Variants in USP37 observed in about 807,000 individuals in gnomAD.
USP37 encodes the protein ubiquitin specific peptidase 37, also known as ubiquitin carboxyl-terminal hydrolase 37.
Under a neutral mutation model 124.0 loss-of-function variants are expected in USP37, and 27 were observed. The observed-to-expected ratio is 0.22, with a 90% CI of 0.16 to 0.30. USP37 has a LOEUF of 0.30. USP37 is among the 10% of genes least tolerant of loss of function. USP37 has a pLI of 1.00. For missense variants in USP37, 889 were observed against 1,140.4 expected (o/e 0.78, Z 3.17); for synonymous variants, 365 against 388.0 (o/e 0.94, Z 0.70).
chr2:218,450,371 A>T lies in USP37; in HGVS notation c.*4559T>A, dbSNP rs14998. On this transcript the variant is annotated 3_prime_UTR_variant, in exon 26 of 26. Coordinates refer to ENST00000258399, the MANE Select transcript of USP37 (RefSeq NM_020935.3). ...GAGGAACAGTTCTGCTAAAACACAG[A>T]TAAAAGTGCCGCTCCATACAAAACA... The T allele has an allele frequency of 1.3e-5, 2 of 152,676 alleles. No individual in the cohort carries two copies. The highest frequency in any genetic ancestry group is 2.4e-5 in the African/African-American group (1 of 41,474). The allele number at this position is 152,676 out of a possible 1,614,324, so 9.5% of individuals were successfully genotyped here.
At chr2:218,509,681 G>C (rs918391561) in intron 11 of USP37, among the ~76,000 whole-genome samples, 32 of 151,812 alleles carry the variant, frequency 2.1e-4, no homozygotes, top group Non-Finnish European at 4.4e-4. Flanking sequence ...AAGAACCTAG[G>C]GAAAATATAT....
intron 10 of USP37, among the ~76,000 whole-genome samples, chr2:218,524,073 G>A (rs986765783): frequency 1.3e-5 from 2 of 152,092 alleles, no homozygotes; most frequent in Admixed American, 6.6e-5. Flanking sequence ...TCCCAAAAGA[G>A]TTTTCTAATG....
intron 5 of USP37, 113 bp downstream of exon 5, chr2:218,553,440 C>T: frequency 1.1e-6 from 1 of 926,164 alleles, no homozygotes; most frequent in Non-Finnish European, 1.5e-6. Context: ...CTTATTTGCT[C>T]ATGGTGTATA....
At chr2:218,485,496 ACT>A (rs1691503596) in intron 16 of USP37, among the ~76,000 whole-genome samples, 166 bp downstream of exon 16, 1 of 151,588 alleles carries the variant, frequency 6.6e-6, no homozygotes, top group South Asian at 2.1e-4. Flanking sequence ...GCCCTCTTAC[ACT>A]CTGCACATTT....
intron 23 of USP37, among the ~76,000 whole-genome samples, chr2:218,459,131 A>T (rs1689866557): frequency 6.6e-6 from 1 of 151,810 alleles, no homozygotes; most frequent in Non-Finnish European, 1.5e-5. Flanking sequence ...CCAATTCAAT[A>T]GTTTTCAGTG....
Position 218,494,966 on chromosome 2 carries a change from G to T in USP37, c.1472+794C>A, listed in dbSNP as rs61014917. On this transcript the variant is annotated intron_variant, in intron 14 of 25. Coordinates refer to ENST00000258399, the MANE Select transcript of USP37 (RefSeq NM_020935.3). The stretch of plus-strand genomic sequence containing the variant: ...ACCAAAAAAGCAAGTAATAAGTTGT[G>T]TTTTTTTTTCAGTGACAAAGAAAAA... Among the ~76,000 whole-genome samples the T allele has an allele frequency of 2.9e-3, 436 of 148,950 alleles. 3 individuals are homozygous for T. The highest frequency in any genetic ancestry group is 0.01 in the African/African-American group (417 of 40,506).
At chr2:218,464,593 A>C (rs1214917416) in intron 21 of USP37, among the ~76,000 whole-genome samples, 1 of 152,162 alleles carries the variant, frequency 6.6e-6, no homozygotes, top group Non-Finnish European at 1.5e-5. Flanking sequence ...AACAAGTACT[A>C]AACCTACCCA....
At chr2:218,483,943 G>A (rs1691398118) in intron 16 of USP37, among the ~76,000 whole-genome samples, 3 of 152,172 alleles carry the variant, frequency 2.0e-5, no homozygotes. Flanking sequence ...CACATCACCT[G>A]AGGTCAGGAG....
chr2:218,525,917 C>A (rs1309967696), intron 10 of USP37, among the ~76,000 whole-genome samples: 1 of 152,174 alleles, frequency 6.6e-6, no homozygotes, highest in Non-Finnish European at 1.5e-5. Flanking sequence ...TCAGCTCCCA[C>A]CTATAAGTGA....
intron 20 of USP37, among the ~76,000 whole-genome samples, chr2:218,467,342 T>TCTAC (rs1332770883): frequency 6.6e-6 from 1 of 150,628 alleles, no homozygotes; most frequent in Admixed American, 6.6e-5. Context: ...TATCTATCTA[T>TCTAC]CTATCTATCT....
intron 10 of USP37, among the ~76,000 whole-genome samples, chr2:218,526,240 A>T (rs190182743): frequency 0.017 from 2,503 of 149,052 alleles, 66 homozygotes; most frequent in African/African-American, 0.057. Context: ...TTATTTATTT[A>T]TTTTTTTTTT....
At chr2:218,537,016 G>A (rs1240438371) in intron 8 of USP37, among the ~76,000 whole-genome samples, 3 of 152,088 alleles carry the variant, frequency 2.0e-5, no homozygotes, top group Admixed American at 1.3e-4. Context: ...TTGGGGTAAT[G>A]GAAATGTTCT....
chr2:218,555,299 A>T (rs957149655), intron 4 of USP37, among the ~76,000 whole-genome samples: 1 of 152,024 alleles, frequency 6.6e-6, no homozygotes, highest in Non-Finnish European at 1.5e-5. Flanking sequence ...AATTTTTTTT[A>T]AACTAGAGAA....
chr2:218,536,476 A>G (rs558132717), intron 8 of USP37, among the ~76,000 whole-genome samples: 100 of 152,216 alleles, frequency 6.6e-4, no homozygotes, highest in Non-Finnish European at 1.2e-3. Context: ...CAGAGTCACA[A>G]ACAAGGCCGG....
At position 218,450,922 on chromosome 2, in the gene USP37, G is replaced by C. The variant is rs532538913; in HGVS notation, c.*4008C>G. 1 of 152,126 alleles carries C rather than the reference G, an allele frequency of 6.6e-6. No homozygotes were observed. The highest frequency in any genetic ancestry group is 1.5e-5 in the Non-Finnish European group (1 of 68,038). The allele number at this position is 152,126 out of a possible 1,614,324, so 9.4% of individuals were successfully genotyped here. On this transcript the variant is annotated 3_prime_UTR_variant, in exon 26 of 26. Coordinates refer to ENST00000258399, the MANE Select transcript of USP37 (RefSeq NM_020935.3). ...CACACATGGAGACAACTTACTAATTGTGTGTAAGTATGATACAATGAATGA... is the reference window on the plus strand; with the variant it reads ...CACACATGGAGACAACTTACTAATTCTGTGTAAGTATGATACAATGAATGA...
At chr2:218,471,470 GT>G (rs1690686887) in intron 20 of USP37, among the ~76,000 whole-genome samples, 1 of 152,184 alleles carries the variant, frequency 6.6e-6, no homozygotes, top group Admixed American at 6.5e-5. Flanking sequence ...GTGATCTCAT[GT>G]ATTACTATAG....
At chr2:218,514,179 A>G (rs543336845) in intron 10 of USP37, 3 of 152,264 alleles carry the variant, frequency 2.0e-5, no homozygotes, top group Admixed American at 2.0e-4. Context: ...TACTCCTAAT[A>G]TTAGAATCTT....
At chr2:218,535,002 T>G (rs559913171) in intron 8 of USP37, among the ~76,000 whole-genome samples, 1 of 152,314 alleles carries the variant, frequency 6.6e-6, no homozygotes, top group Admixed American at 6.5e-5. Context: ...AGCAAGATTA[T>G]TAGATTTTCT....
At chr2:218,476,374 G>A (rs964657840) in intron 19 of USP37, among the ~76,000 whole-genome samples, 1 of 152,024 alleles carries the variant, frequency 6.6e-6, no homozygotes, top group Non-Finnish European at 1.5e-5. Flanking sequence ...AGGAATTTTA[G>A]ACCTGCCTAG....
Sources: allele counts gnomAD v4.1 joint callset (sites outside exome capture counted in the v4.1 genomes callset), GRCh38; gene constraint gnomAD v4.1.1; transcripts MANE v1.5; gene names NCBI Gene and HGNC (gene_info 2026-07-23, HGNC 2026-07-21).